OCIAD1: variants seen among roughly 807,000 people sequenced by gnomAD.
OCIAD1 encodes the protein OCIA domain-containing protein 1.
In OCIAD1, 29 loss-of-function variants were observed where a neutral mutation model predicts 38.9. The ratio of observed to expected loss-of-function variants is 0.74; its 90% CI spans 0.55 to 1.02. OCIAD1 has a LOEUF of 1.02. OCIAD1 is among the 50% of genes least tolerant of loss of function. OCIAD1 has a pLI of 0.00. For missense variants in OCIAD1, 288 were observed against 289.6 expected (o/e 0.99, Z 0.04); for synonymous variants, 110 against 92.0 (o/e 1.20, Z -1.12).
upstream of OCIAD1, among the ~76,000 whole-genome samples, chr4:48,829,196 G>T (rs1184557797): frequency 5.9e-5 from 9 of 151,790 alleles, no homozygotes; most frequent in African/African-American, 1.9e-4. Context: ...GGAGGCGAAG[G>T]TTGCAGTGAG....
chr4:48,812,351 A>G (rs907479846), intron 1 of OCIAD1, among the ~76,000 whole-genome samples: 5 of 145,532 alleles, frequency 3.4e-5, no homozygotes, highest in African/African-American at 1.0e-4. Flanking sequence ...GGCATTTATG[A>G]TATGGTATTT....
chr4:48,847,584 G>T (rs190284516), intron 4 of OCIAD1, among the ~76,000 whole-genome samples: 1 of 152,204 alleles, frequency 6.6e-6, no homozygotes, highest in African/African-American at 2.4e-5. Context: ...ATTGTTCGAT[G>T]TAGGATCAAG....
At chr4:48,838,492 T>C (rs1345128860) in intron 3 of OCIAD1, among the ~76,000 whole-genome samples, 2 of 152,176 alleles carry the variant, frequency 1.3e-5, no homozygotes, top group African/African-American at 4.8e-5. Context: ...TATTATAGCA[T>C]CAAACATTGA....
intron 3 of OCIAD1, among the ~76,000 whole-genome samples, chr4:48,840,349 G>A (rs977840145): frequency 2.6e-5 from 4 of 152,212 alleles, no homozygotes; most frequent in African/African-American, 9.6e-5. Context: ...TACTGGTGCT[G>A]TAATTAAAAG....
intron 3 of OCIAD1, among the ~76,000 whole-genome samples, chr4:48,834,356 G>A (rs575818285): frequency 6.6e-6 from 1 of 152,312 alleles, no homozygotes; most frequent in African/African-American, 2.4e-5. Context: ...ATTTCTAGTA[G>A]AAGCGGGATT....
At chr4:48,852,019 A>T (rs370531486) in intron 7 of OCIAD1, 44 bp downstream of exon 7, 18 of 1,477,572 alleles carry the variant, frequency 1.2e-5, no homozygotes, top group African/African-American at 1.1e-4. Context: ...TTATGGTCCA[A>T]CGTATGTATA....
intron 1 of OCIAD1, among the ~76,000 whole-genome samples, chr4:48,806,856 G>A (rs1347142875): frequency 1.3e-5 from 2 of 152,226 alleles, no homozygotes; most frequent in Non-Finnish European, 2.9e-5. Context: ...CACCCACCTC[G>A]GCCTCCCGAA....
chr4:48,849,019 A>G (rs1779195810), intron 5 of OCIAD1, among the ~76,000 whole-genome samples: 1 of 152,212 alleles, frequency 6.6e-6, no homozygotes, highest in African/African-American at 2.4e-5. Context: ...GCTGGGAACC[A>G]TTATTATCAG....
intron 4 of OCIAD1, among the ~76,000 whole-genome samples, chr4:48,843,296 T>G (rs562726668): frequency 6.6e-6 from 1 of 152,334 alleles, no homozygotes; most frequent in South Asian, 2.1e-4. Flanking sequence ...GCATTTAAAA[T>G]GTAGTGGAGT....
chr4:48,810,468 CAAAAAA>C (rs749988114), intron 1 of OCIAD1, among the ~76,000 whole-genome samples: 2 of 42,338 alleles, frequency 4.7e-5, no homozygotes, highest in East Asian at 7.0e-4. Context: ...GACTCCATCT[CAAAAAA>C]AAAAAAAAAA....
intron 1 of OCIAD1, among the ~76,000 whole-genome samples, chr4:48,819,716 CAAAAAAAAA>C (rs576081813): frequency 7.7e-4 from 8 of 10,446 alleles, no homozygotes; most frequent in East Asian, 2.5e-3. Context: ...TTACCAAGCG[CAAAAAAAAA>C]AAAAAAAAAA....
At chr4:48,813,419 G>A (rs1022930901) in intron 1 of OCIAD1, among the ~76,000 whole-genome samples, 6 of 152,162 alleles carry the variant, frequency 3.9e-5, no homozygotes, top group Non-Finnish European at 7.4e-5. Context: ...CTTGGGAGGC[G>A]GAGGTGAGTG....
chr4:48,811,860 C>T (rs566492474), intron 1 of OCIAD1, among the ~76,000 whole-genome samples: 1 of 152,016 alleles, frequency 6.6e-6, no homozygotes, highest in South Asian at 2.1e-4. Flanking sequence ...AGAAAAGTTT[C>T]ATTTTTTTTT....
chr4:48,828,245 G>A (rs964268774), upstream of OCIAD1, among the ~76,000 whole-genome samples: 1 of 152,036 alleles, frequency 6.6e-6, no homozygotes, highest in Admixed American at 6.6e-5. Context: ...TCTAGCTAAA[G>A]GATTGTAAAT....
At chr4:48,844,486 C>T (rs1252753264) in intron 4 of OCIAD1, among the ~76,000 whole-genome samples, 1 of 151,854 alleles carries the variant, frequency 6.6e-6, no homozygotes, top group East Asian at 1.9e-4. Flanking sequence ...CGTGGTCGTG[C>T]GTGCCTGTAG....
upstream of OCIAD1, among the ~76,000 whole-genome samples, chr4:48,829,863 G>A (rs374738137): frequency 2.0e-5 from 3 of 152,174 alleles, no homozygotes; most frequent in Non-Finnish European, 4.4e-5. Flanking sequence ...AGAGACAGAC[G>A]TAAGTAAAAA....
chr4:48,836,141 A>G (rs1270449064), intron 3 of OCIAD1, among the ~76,000 whole-genome samples: 1 of 152,192 alleles, frequency 6.6e-6, no homozygotes, highest in Non-Finnish European at 1.5e-5. Flanking sequence ...GAGAAGTTGT[A>G]CTTGGTAAAA....
chr4:48,830,556 A>T (rs1237829581), upstream of OCIAD1: 1 of 152,212 alleles, frequency 6.6e-6, no homozygotes, highest in Non-Finnish European at 1.5e-5. Flanking sequence ...TAACAACCCT[A>T]TATGTAATTC....
intron 3 of OCIAD1, among the ~76,000 whole-genome samples, chr4:48,835,010 G>A (rs1317057515): frequency 2.0e-5 from 3 of 152,092 alleles, no homozygotes; most frequent in African/African-American, 7.2e-5. Flanking sequence ...CTCTGCTCAC[G>A]TCAACATCCT....
Sources: gnomAD v4.1 joint callset for allele counts (sites outside exome capture counted in the v4.1 genomes callset) on GRCh38, gnomAD v4.1.1 for gene constraint, MANE v1.5 for transcripts, NCBI Gene and HGNC (gene_info 2026-07-23, HGNC 2026-07-21) for gene names.